Variants in STRIP2 observed in about 807,000 individuals in gnomAD.
STRIP2 encodes striatin-interacting protein 2.
Under a neutral mutation model 107.1 loss-of-function variants are expected in STRIP2, and 84 were observed. That is an observed-to-expected ratio of 0.78 (90% CI 0.66 to 0.94). The LOEUF (loss-of-function observed/expected upper bound fraction) is 0.94. STRIP2 is among the 40% of genes least tolerant of loss of function. The pLI is 0.00. For missense variants in STRIP2, 888 were observed against 1,034.2 expected, an observed-to-expected ratio of 0.86 and a Z score of 1.94; for synonymous variants, 394 against 400.4, an observed-to-expected ratio of 0.98 and a Z score of 0.19.
At chr7:129,481,642 T>C (rs545040220) in intron 19 of STRIP2, among the ~76,000 whole-genome samples, 1 of 152,280 alleles carries the variant, frequency 6.6e-6, no homozygotes, top group East Asian at 1.9e-4. Context: ...CCGGGCTCAG[T>C]GGTGCATGCC....
intron 17 of STRIP2, among the ~76,000 whole-genome samples, 179 bp from the exon 18 acceptor site, chr7:129,470,469 GA>G (rs1798764146): frequency 6.6e-6 from 1 of 152,200 alleles, no homozygotes. Context: ...CTCATGACAG[GA>G]AAGGAGACTG....
intron 13 of STRIP2, among the ~76,000 whole-genome samples, chr7:129,460,787 G>A (rs776269971): frequency 6.6e-5 from 10 of 152,186 alleles, no homozygotes; most frequent in Non-Finnish European, 1.2e-4. Flanking sequence ...AGGCTTAAGA[G>A]TGTCAGAGGT....
chr7:129,454,217 GGGGCTAACTAT>G lies in STRIP2; in HGVS notation c.599+13_599+23del. 1 of 1,613,968 alleles carries G rather than the reference GGGGCTAACTAT, an allele frequency of 6.2e-7. No homozygotes were observed. Among genetic ancestry groups the G allele is most frequent in the Non-Finnish European group, 8.5e-7 (1 of 1,179,904 alleles). On this transcript the variant is annotated splice_region_variant and intron_variant, in intron 6 of 20. Transcript: ENST00000249344. ...CTGATAGCACAGAGCTCAGGTGAGT[GGGGCTAACTAT>G]GGGCTTGGAACAGGGCAGATGATTA...
rs1020691775 is a variant in STRIP2 at position 129,487,522 on chromosome 7, G to C, written c.*1693G>C. ...AAGGAGCTATACCAAAATCTAACAA[G>C]TAAATTTTGGATTTTGCCTCTTTGT... On this transcript the variant is annotated 3_prime_UTR_variant, in exon 21 of 21. Transcript: ENST00000249344. 1 of 152,184 alleles carries C rather than the reference G, an allele frequency of 6.6e-6. No homozygotes were observed. Among genetic ancestry groups the C allele is most frequent in the African/African-American group, 2.4e-5 (1 of 41,428 alleles). The allele number at this position is 152,184 out of a possible 1,614,324, so 9.4% of individuals were successfully genotyped here.
chr7:129,459,934 G>A lies in STRIP2; in HGVS notation c.1404+354G>A, dbSNP rs929667601. On this transcript the variant is annotated intron_variant, in intron 12 of 20. Transcript: ENST00000249344. ...AGTAGGAGCCTGCTCTATATCCATT[G>A]TATGCATGGAGTCATCACTCCATGC... Among the ~76,000 whole-genome samples, 8 of 151,892 alleles carry A rather than the reference G, an allele frequency of 5.3e-5. No homozygotes were observed. In the East Asian group the frequency reaches 1.6e-3, roughly 29 times the overall value.
In STRIP2 at chr7:129,482,028, CG is replaced by C. The variant is rs367611782; in HGVS notation, c.2050-811del. 7.3e-3 allele frequency among the ~76,000 whole-genome samples: 1,110 copies of C among 151,720 alleles called. 9 individuals carry two copies. Among genetic ancestry groups the C allele is most frequent in the Non-Finnish European group, 0.011 (773 of 67,876 alleles). ...ACTAAAAATTAGCTGGGTGTGGTGG[CG>C]GGCGCCTCTACTCAGGGGAGGCTGA... On this transcript the variant is annotated intron_variant, in intron 19 of 20. Coordinates refer to ENST00000249344, the MANE Select transcript of STRIP2 (RefSeq NM_020704.3).
At chr7:129,479,991 T>C (rs1799077142) in intron 18 of STRIP2, among the ~76,000 whole-genome samples, 1 of 152,224 alleles carries the variant, frequency 6.6e-6, no homozygotes, top group Non-Finnish European at 1.5e-5. Context: ...ACATGTCATC[T>C]ACTCCTACAT....
chr7:129,439,705 T>C (rs1233582808), intron 1 of STRIP2, among the ~76,000 whole-genome samples: 1 of 152,226 alleles, frequency 6.6e-6, no homozygotes, highest in Non-Finnish European at 1.5e-5. Context: ...ATCAGCTAGA[T>C]GCTCCTCTGG....
rs1254530098 is a variant in STRIP2, at chr7:129,453,318, C to A, written c.501C>A (p.Thr167=). ...TGTATCAGATGGGGACCTTCTCCACCTTCCTGGAGCTACTCCACATGGAAA... is the reference window on the plus strand; with the variant it reads ...TGTATCAGATGGGGACCTTCTCCACATTCCTGGAGCTACTCCACATGGAAA... ...FLLYQMGTFS[T]FLELLHMEID... is the part of the protein sequence containing the mutation. Residue 167 remains threonine, a synonymous_variant, in exon 5 of 21, where the codon ACC becomes ACA. Transcript: ENST00000249344. The A allele has an allele frequency of 6.2e-7, 1 of 1,614,162 alleles. No homozygotes were observed. The highest frequency in any genetic ancestry group is 2.2e-5 in the East Asian group (1 of 44,882).
Position 129,485,782 on chromosome 7 carries a change from G to A in STRIP2, c.2458G>A (p.Val820Met). 1 of 1,614,118 alleles carries A rather than the reference G, an allele frequency of 6.2e-7. No individual in the cohort carries two copies. The highest frequency in any genetic ancestry group is 8.5e-7 in the Non-Finnish European group (1 of 1,180,020). The change falls in exon 21 of 21, where the codon GTG (valine) becomes ATG (methionine). Residue 820 changes from valine to methionine, a missense_variant. Coordinates refer to ENST00000249344, the MANE Select transcript of STRIP2 (RefSeq NM_020704.3). ...YSYELWLERE[V>M]FSQPICWEEL... ...ATATGAGCTCTGGCTCGAGAGAGAGGTGTTTTCACAGCCCATCTGTTGGGA... is the reference window on the plus strand; with the variant it reads ...ATATGAGCTCTGGCTCGAGAGAGAGATGTTTTCACAGCCCATCTGTTGGGA...
intron 16 of STRIP2, among the ~76,000 whole-genome samples, chr7:129,465,570 A>G (rs1046354370): frequency 2.0e-5 from 3 of 152,200 alleles, no homozygotes; most frequent in African/African-American, 7.2e-5. Flanking sequence ...TCCTGTGCCC[A>G]GCACCCTGTT....
At position 129,464,610 on chromosome 7, in the gene STRIP2, A is replaced by C. The variant is rs1267445009; in HGVS notation, c.1650-2A>C. 1.2e-6 allele frequency: 2 copies of C among 1,613,820 alleles called. No homozygotes were observed. The highest frequency in any genetic ancestry group is 1.7e-6 in the Non-Finnish European group (2 of 1,179,960). On this transcript the variant is annotated splice_acceptor_variant, in intron 15 of 20. Coordinates refer to ENST00000249344, the MANE Select transcript of STRIP2 (RefSeq NM_020704.3). LOFTEE classifies it high-confidence loss of function. ...CACTAATACCTTCTCTCCCCATTGT[A>C]GCATCACTGTTCTCCAGAGCATGAA...
chr7:129,480,841 C>A lies in STRIP2; in HGVS notation c.2001C>A (p.Leu667=), dbSNP rs772565735. The A allele has an allele frequency of 2.9e-5, 47 of 1,613,972 alleles. No homozygotes were observed. The highest frequency in any genetic ancestry group is 3.9e-5 in the Non-Finnish European group (46 of 1,179,956). Residue 667 remains leucine (L), a synonymous_variant, in exon 19 of 21, where the codon CTC becomes CTA. Transcript: ENST00000249344. ...GGAACCTCTTTTCCTGCATCAACCT[C>A]CTGAGGCTGCTCAATAAACTGACCA... The part of the protein sequence containing the change: ...CWRNLFSCIN[L]LRLLNKLTKW...
chr7:129,486,011 G>T lies in STRIP2; in HGVS notation c.*182G>T, dbSNP rs1799238298. 7.8e-6 allele frequency: 5 copies of T among 640,108 alleles called. No homozygotes were observed. The highest frequency in any genetic ancestry group is 2.8e-5 in the East Asian group (1 of 35,308). The allele number at this position is 640,108 out of a possible 1,614,324, so 39.7% of individuals were successfully genotyped here. A position where few individuals can be genotyped will look rare whatever the true frequency, so the allele number is the denominator to read the frequency against. ...AAATGATCAACTTGCCCTGGGGTCAGTTGGGTGCCCAGTTGGCCTTGGAAA... is the reference window on the plus strand; with the variant it reads ...AAATGATCAACTTGCCCTGGGGTCATTTGGGTGCCCAGTTGGCCTTGGAAA... On this transcript the variant is annotated 3_prime_UTR_variant, in exon 21 of 21. Coordinates refer to ENST00000249344, the MANE Select transcript of STRIP2 (RefSeq NM_020704.3).
Position 129,468,437 on chromosome 7 carries a change from G to A in STRIP2, c.1877+987G>A, listed in dbSNP as rs1798721568. On this transcript the variant is annotated intron_variant, in intron 17 of 20. Transcript: ENST00000249344. ...GTTATGTAATCTCAAGCAAGAAACT[G>A]TTTCTCTGAACCACAGTATTTTCAT... 4.6e-5 allele frequency among the ~76,000 whole-genome samples: 7 copies of A among 152,172 alleles called. No homozygotes were observed. The South Asian group carries it at 1.4e-3, about 32-fold the overall frequency.
intron 18 of STRIP2, among the ~76,000 whole-genome samples, chr7:129,480,448 G>A (rs984268738): frequency 6.6e-5 from 10 of 152,080 alleles, no homozygotes; most frequent in African/African-American, 1.7e-4. Context: ...TTATATAAGC[G>A]CAAAGTACCT....
chr7:129,478,059 TA>T (rs1386410321), intron 18 of STRIP2: 2 of 348,968 alleles, frequency 5.7e-6, no homozygotes, highest in East Asian at 1.8e-4. Flanking sequence ...ATGGTGGTGA[TA>T]CGAAGAAATA....
chr7:129,451,496 T>G, intron 3 of STRIP2, 117 bp from the exon 4 acceptor site: 1 of 1,343,048 alleles, frequency 7.4e-7, no homozygotes, highest in Non-Finnish European at 1.0e-6. Context: ...AAGGAAAGCT[T>G]TTGGAGAAAA....
chr7:129,481,564 A>C (rs1294881191), intron 19 of STRIP2, among the ~76,000 whole-genome samples: 2 of 152,114 alleles, frequency 1.3e-5, no homozygotes, highest in Non-Finnish European at 2.9e-5. Flanking sequence ...AGCAGGACCA[A>C]CTGGTTAAAT....
Sources: gnomAD v4.1 joint callset for allele counts (sites outside exome capture counted in the v4.1 genomes callset) on GRCh38, gnomAD v4.1.1 for gene constraint, MANE v1.5 for transcripts, NCBI Gene and HGNC (gene_info 2026-07-23, HGNC 2026-07-21) for gene names.